The following PPP1R13B variants were observed in gnomAD, a reference collection of about 807,000 sequenced individuals.
PPP1R13B encodes the protein protein phosphatase 1 regulatory subunit 13B.
Under a neutral mutation model 119.8 loss-of-function variants are expected in PPP1R13B, and 44 were observed. The ratio of observed to expected loss-of-function variants is 0.37; its 90% CI spans 0.29 to 0.47. The LOEUF is 0.47. Among genes scored for constraint, PPP1R13B ranks in the 20% least tolerant of loss-of-function variants. PPP1R13B has a pLI of 0.99. For missense variants in PPP1R13B, 1,227 were observed against 1,413.5 expected, an observed-to-expected ratio of 0.87 and a Z score of 2.12; for synonymous variants, 542 against 561.5, an observed-to-expected ratio of 0.97 and a Z score of 0.49.
chr14:103,815,623 C>T (rs533183907), intron 1 of PPP1R13B, among the ~76,000 whole-genome samples: 24 of 151,868 alleles, frequency 1.6e-4, no homozygotes, highest in Admixed American at 3.3e-4. Context: ...TGCACGGTGG[C>T]GGGCGCCTGT....
chr14:103,762,173 A>C (rs919360889), intron 4 of PPP1R13B, among the ~76,000 whole-genome samples: 1 of 152,228 alleles, frequency 6.6e-6, no homozygotes, highest in Admixed American at 6.5e-5. Flanking sequence ...GAGAAGAGAG[A>C]GAACATGTAT....
intron 1 of PPP1R13B, among the ~76,000 whole-genome samples, chr14:103,809,983 T>C (rs1019648900): frequency 3.3e-5 from 5 of 150,958 alleles, no homozygotes; most frequent in African/African-American, 4.8e-5. Flanking sequence ...TGCGCCACCA[T>C]GCCTGGCTAA....
intron 4 of PPP1R13B, among the ~76,000 whole-genome samples, chr14:103,764,828 G>A (rs538245454): frequency 2.7e-5 from 4 of 149,942 alleles, no homozygotes; most frequent in Non-Finnish European, 5.9e-5. Flanking sequence ...GTTTTTTTTT[G>A]TTGTTGTTTG....
At chr14:103,827,000 A>G (rs1456752836) in intron 1 of PPP1R13B, among the ~76,000 whole-genome samples, 1 of 150,120 alleles carries the variant, frequency 6.7e-6, no homozygotes, top group Non-Finnish European at 1.5e-5. Context: ...TGACAGAGCG[A>G]AACTCCATCT....
intron 4 of PPP1R13B, among the ~76,000 whole-genome samples, chr14:103,760,303 T>G (rs2151990342): frequency 6.6e-6 from 1 of 152,360 alleles, no homozygotes; most frequent in Admixed American, 6.5e-5. Context: ...CAATTTTAAA[T>G]TTTTTATACA....
rs541334212 is a variant in PPP1R13B at position 103,736,265 on chromosome 14, C to T, written c.3032-63G>A. On this transcript the variant is annotated intron_variant, in intron 15 of 16. Coordinates refer to ENST00000202556, the MANE Select transcript of PPP1R13B (RefSeq NM_015316.3). ...GTGGCCTGCAGCAAGGGACCCTGCTCGAGGAACAGGACACAGTCGTGCTGC... is the reference window on the plus strand; with the variant it reads ...GTGGCCTGCAGCAAGGGACCCTGCTTGAGGAACAGGACACAGTCGTGCTGC... 135 of 1,541,916 alleles carry T rather than the reference C, an allele frequency of 8.8e-5. 2 individuals are homozygous for T. In the South Asian group the frequency reaches 1.2e-3, roughly 14 times the overall value.
chr14:103,785,311 T>C (rs1434871837), intron 2 of PPP1R13B, among the ~76,000 whole-genome samples: 1 of 152,138 alleles, frequency 6.6e-6, no homozygotes, highest in Admixed American at 6.6e-5. Flanking sequence ...CCTCCGCTTC[T>C]GGGTTCAAGA....
In PPP1R13B at chr14:103,742,254, C is replaced by A; in HGVS notation, c.1358G>T (p.Gly453Val). Residue 453 changes from glycine (G) to valine (V), a missense_variant, in exon 11 of 17, where the codon GGT becomes GTT. Coordinates refer to ENST00000202556, the MANE Select transcript of PPP1R13B (RefSeq NM_015316.3). This position sits in a 1 kb window ranked among gnomAD's most constrained non-coding sequence, Gnocchi z 4.9. ...EIGKVPPPIP[G>V]VGKQLPPSYG... ...GCTTGGAGGCAGCTGCTTGCCTACA[C>A]CCGGGATGGGAGGTGGCACTTTACC... 1 of 1,580,854 alleles carries A rather than the reference C, an allele frequency of 6.3e-7. No homozygotes were observed. The highest frequency in any genetic ancestry group is 8.6e-7 in the Non-Finnish European group (1 of 1,169,148).
chr14:103,747,464 T>C (rs1019861489), intron 8 of PPP1R13B: 1 of 152,176 alleles, frequency 6.6e-6, no homozygotes, highest in Admixed American at 6.5e-5. Flanking sequence ...ACCAGATATT[T>C]GGCCAAATAC....
intron 1 of PPP1R13B, among the ~76,000 whole-genome samples, chr14:103,798,926 G>A (rs916594383): frequency 1.3e-5 from 2 of 152,000 alleles, no homozygotes; most frequent in Non-Finnish European, 2.9e-5. Context: ...CTGAGTTCAA[G>A]CAATCCTCTC....
chr14:103,847,129 C>A lies in PPP1R13B; in HGVS notation c.9+170G>T, dbSNP rs1028236325. The A allele has an allele frequency of 3.0e-6, 3 of 983,822 alleles. No individual in the cohort carries two copies. In the African/African-American group the frequency reaches 5.3e-5, roughly 17 times the overall value. The allele number at this position is 983,822 out of a possible 1,614,324, so 60.9% of individuals were successfully genotyped here. On this transcript the variant is annotated intron_variant, in intron 1 of 16. Transcript: ENST00000202556. ...CGCGCTGACAGCCCGGCGCCGCCCC[C>A]ACCTGCCCGCCTGGGGGGCGCCGCG...
chr14:103,783,480 G>C (rs987977033), intron 3 of PPP1R13B, among the ~76,000 whole-genome samples: 1 of 152,072 alleles, frequency 6.6e-6, no homozygotes, highest in Non-Finnish European at 1.5e-5. Context: ...ACAAACTCCT[G>C]ACCTCAAGTG....
intron 7 of PPP1R13B, among the ~76,000 whole-genome samples, chr14:103,751,227 T>A (rs1268776802): frequency 1.3e-5 from 2 of 152,184 alleles, no homozygotes; most frequent in Non-Finnish European, 2.9e-5. Context: ...ATAAATGACA[T>A]CCTTATATTA....
rs568036644 is a variant in PPP1R13B at position 103,766,656 on chromosome 14, A to G, written c.355-8905T>C. On this transcript the variant is annotated intron_variant, in intron 4 of 16. Transcript: ENST00000202556. ...CAAGAGTCTCGCTCTGTCACCAGCT[A>G]GAGTGCAGTGGCGCTATCTCAGCTC... is the stretch of plus-strand genomic sequence containing the variant. Among the ~76,000 whole-genome samples, 15 of 152,108 alleles carry G rather than the reference A, an allele frequency of 9.9e-5. No homozygotes were observed. The South Asian group carries it at 3.1e-3, about 32-fold the overall frequency.
chr14:103,734,229 G>A lies in PPP1R13B; in HGVS notation c.*925C>T, dbSNP rs1354507218. 2 of 281,980 alleles carry A rather than the reference G, an allele frequency of 7.1e-6. No homozygotes were observed. The allele number at this position is 281,980 out of a possible 1,614,324, so 17.5% of individuals were successfully genotyped here. On this transcript the variant is annotated 3_prime_UTR_variant, in exon 17 of 17. Transcript: ENST00000202556. ...TCTGCCCCAGCTGCTGCTCCTTGGT[G>A]GCGGCCCCTCCTGACACCAGGCGTC...
In PPP1R13B at chr14:103,740,500, T is replaced by C. The variant is rs771265803; in HGVS notation, c.1916A>G (p.Gln639Arg). The change falls in exon 12 of 17, where the codon CAG becomes CGG. Residue 639 changes from glutamine (Q) to arginine (R), a missense_variant. Physicochemically the swap from Gln to Arg is conservative, Grantham distance 43. Transcript: ENST00000202556. This position sits in a 1 kb window ranked among gnomAD's most constrained non-coding sequence, Gnocchi z 4.6. ...GSLSTGTPQP[Q>R]PPSESTEKEP... is the part of the protein sequence containing the mutation. ...TTTCTCAGTACTTTCTGAAGGTGGC[T>C]GAGGCTGTGGTGTGCCCGTGGACAG... 3 of 1,608,012 alleles carry C rather than the reference T, an allele frequency of 1.9e-6. No homozygotes were observed. The South Asian group carries it at 3.3e-5, about 18-fold the overall frequency.
At chr14:103,797,345 C>G in intron 2 of PPP1R13B, 26 bp downstream of exon 2, 1 of 1,563,746 alleles carries the variant, frequency 6.4e-7, no homozygotes, top group Non-Finnish European at 8.7e-7. Flanking sequence ...ATCAATGTAA[C>G]AATCTTTACA....
intron 1 of PPP1R13B, among the ~76,000 whole-genome samples, chr14:103,835,608 AT>A (rs754742431): frequency 1.8e-3 from 218 of 119,310 alleles, no homozygotes; most frequent in Non-Finnish European, 2.3e-3. Flanking sequence ...TTTTATTTTT[AT>A]TTATTTATTT....
In PPP1R13B at chr14:103,740,549, G is replaced by A; in HGVS notation, c.1867C>T (p.Pro623Ser). ...VLPSGSTSPSPLPFLHGSLST... is the reference protein window; with the variant it reads ...VLPSGSTSPSSLPFLHGSLST... ...AGTGACCCGTGAAGAAACGGCAGCG[G>A]CGATGGAGAGGTTGAACCCGAAGGT... Residue 623 changes from proline to serine, a missense_variant, in exon 12 of 17, where the codon CCG becomes TCG. Physicochemically the swap from Pro to Ser is moderately conservative, Grantham distance 74. Coordinates refer to ENST00000202556, the MANE Select transcript of PPP1R13B (RefSeq NM_015316.3). The surrounding 1 kb of genome is among the most constrained non-coding windows in gnomAD (Gnocchi z 4.6). The A allele has an allele frequency of 6.4e-7, 1 of 1,561,248 alleles. No homozygotes were observed. The highest frequency in any genetic ancestry group is 8.7e-7 in the Non-Finnish European group (1 of 1,151,034).
Sources: allele counts gnomAD v4.1 joint callset (sites outside exome capture counted in the v4.1 genomes callset), GRCh38; gene constraint gnomAD v4.1.1; non-coding constraint Gnocchi (gnomAD v3.1); transcripts MANE v1.5; gene names NCBI Gene and HGNC (gene_info 2026-07-23, HGNC 2026-07-21).